The following SPON1 variants were observed in gnomAD, a reference collection of about 807,000 sequenced individuals.
The protein encoded by SPON1 is spondin 1.
Under a neutral mutation model 111.7 loss-of-function variants are expected in SPON1, and 52 were observed. The ratio of observed to expected loss-of-function variants is 0.47; its 90% CI spans 0.37 to 0.59. SPON1 has a LOEUF of 0.59. Ranked by LOEUF, SPON1 falls within the 20% of genes least tolerant of loss-of-function variation. SPON1 has a pLI of 0.00. For missense variants in SPON1, 957 were observed against 1,068.5 expected, an observed-to-expected ratio of 0.90 and a Z score of 1.46; for synonymous variants, 410 against 395.8, an observed-to-expected ratio of 1.04 and a Z score of -0.43.
At chr11:14,115,917 G>GGCTTT (rs1849263547) in intron 5 of SPON1, among the ~76,000 whole-genome samples, 1 of 152,030 alleles carries the variant, frequency 6.6e-6, no homozygotes, top group East Asian at 1.9e-4. Flanking sequence ...TTGTTGATAT[G>GGCTTT]GTTTTGTTTT....
At chr11:14,117,941 A>G (rs7947007) in intron 5 of SPON1, among the ~76,000 whole-genome samples, 3,252 of 152,280 alleles carry the variant, frequency 0.021, 113 homozygotes, top group African/African-American at 0.074. Context: ...ATAATAAAGC[A>G]CCTGGTACAG....
chr11:14,123,799 C>T (rs920666495), intron 5 of SPON1, among the ~76,000 whole-genome samples: 2 of 152,260 alleles, frequency 1.3e-5, no homozygotes, highest in African/African-American at 2.4e-5. Context: ...ACTCCACCTT[C>T]CTGCACCACA....
At chr11:14,171,841 A>G (rs2133882282) in intron 6 of SPON1, among the ~76,000 whole-genome samples, 1 of 152,300 alleles carries the variant, frequency 6.6e-6, no homozygotes, top group East Asian at 1.9e-4. Context: ...GTTGGATTGC[A>G]CTGTGGTCTG....
chr11:14,132,073 T>C (rs1847535263), intron 5 of SPON1, among the ~76,000 whole-genome samples: 1 of 152,156 alleles, frequency 6.6e-6, no homozygotes. Flanking sequence ...GGTCAGGAGT[T>C]TGAGACCAGC....
chr11:14,196,684 G>T (rs1210386641), intron 6 of SPON1, among the ~76,000 whole-genome samples: 1 of 152,186 alleles, frequency 6.6e-6, no homozygotes, highest in African/African-American at 2.4e-5. Flanking sequence ...GTTTCCCTGT[G>T]TTTCAGGAAT....
Position 14,138,126 on chromosome 11 carries a change from A to G in SPON1, c.825+2558A>G, listed in dbSNP as rs907374855. ...TTTAATACTTTATATCCTACCAATC[A>G]CTTTGTCAAAGAACCTGAGTCCAGC... On this transcript the variant is annotated intron_variant, in intron 6 of 15. Coordinates refer to ENST00000576479, the MANE Select transcript of SPON1 (RefSeq NM_006108.4). 2.0e-5 allele frequency among the ~76,000 whole-genome samples: 3 copies of G among 152,256 alleles called. No individual in the cohort carries two copies. In the East Asian group the frequency reaches 5.8e-4, roughly 29 times the overall value.
chr11:14,122,933 AT>A (rs34948884), intron 5 of SPON1, among the ~76,000 whole-genome samples: 2,023 of 132,520 alleles, frequency 0.015, 33 homozygotes, highest in East Asian at 0.12. Context: ...TGCTCTTGTA[AT>A]TTTTTTTTTT....
intron 6 of SPON1, among the ~76,000 whole-genome samples, chr11:14,239,429 C>CA (rs1554939484): frequency 2.0e-5 from 3 of 151,948 alleles, no homozygotes; most frequent in Non-Finnish European, 4.4e-5. Flanking sequence ...CAAGACTTGC[C>CA]AAAAAACAGA....
intron 6 of SPON1, among the ~76,000 whole-genome samples, chr11:14,150,120 A>G (rs571368623): frequency 6.6e-6 from 1 of 152,328 alleles, no homozygotes; most frequent in Admixed American, 6.5e-5. Context: ...GTATATACAC[A>G]ATAGAATACT....
chr11:14,034,083 G>C (rs989766122), intron 2 of SPON1, among the ~76,000 whole-genome samples: 1 of 152,132 alleles, frequency 6.6e-6, no homozygotes, highest in Admixed American at 6.5e-5. Context: ...AGGCTGAAGC[G>C]AGAGGATTAC....
At chr11:14,092,415 A>G (rs901171860) in intron 5 of SPON1, among the ~76,000 whole-genome samples, 6 of 152,168 alleles carry the variant, frequency 3.9e-5, no homozygotes, top group African/African-American at 7.2e-5. Context: ...TAAGATAGCA[A>G]CCTAAGGTGT....
chr11:14,014,463 A>G (rs535034191), intron 2 of SPON1, among the ~76,000 whole-genome samples: 1 of 152,350 alleles, frequency 6.6e-6, no homozygotes, highest in East Asian at 1.9e-4. Flanking sequence ...ACGCAATGGC[A>G]TCCTGGATTC....
chr11:13,985,596 A>C (rs1554910207), intron 2 of SPON1, among the ~76,000 whole-genome samples: 1 of 152,158 alleles, frequency 6.6e-6, no homozygotes, highest in Admixed American at 6.5e-5. Flanking sequence ...CTGTTAAATG[A>C]AAAAATAAGG....
chr11:14,042,329 T>G (rs1235082521), intron 3 of SPON1, among the ~76,000 whole-genome samples: 1 of 152,120 alleles, frequency 6.6e-6, no homozygotes, highest in Non-Finnish European at 1.5e-5. Context: ...CAAAATGCTG[T>G]GTACTAGATA....
intron 5 of SPON1, among the ~76,000 whole-genome samples, chr11:14,109,360 C>G (rs1045181461): frequency 2.6e-5 from 4 of 152,024 alleles, no homozygotes; most frequent in Non-Finnish European, 5.9e-5. Flanking sequence ...TAATTTAAAG[C>G]TTACAGAAAT....
At chr11:14,111,663 C>A (rs1849227736) in intron 5 of SPON1, among the ~76,000 whole-genome samples, 1 of 152,174 alleles carries the variant, frequency 6.6e-6, no homozygotes, top group African/African-American at 2.4e-5. Context: ...TATTCATGAT[C>A]ATGACTGGAA....
intron 5 of SPON1, among the ~76,000 whole-genome samples, chr11:14,108,764 T>C (rs928736116): frequency 5.3e-5 from 8 of 152,136 alleles, no homozygotes; most frequent in African/African-American, 1.7e-4. Flanking sequence ...CTTTTTTTTT[T>C]TTGTAAATAA....
At position 14,055,781 on chromosome 11, in the gene SPON1, G is replaced by A. The variant is rs539323660; in HGVS notation, c.479+14127G>A. On this transcript the variant is annotated intron_variant, in intron 3 of 15. Coordinates refer to ENST00000576479, the MANE Select transcript of SPON1 (RefSeq NM_006108.4). Reference sequence around the variant, plus strand: ...GGTTAATAAGATGTTGAGGACTTGGGGAGTGCCCCAAAGTCCTCACAGAGA... The same window carrying A: ...GGTTAATAAGATGTTGAGGACTTGGAGAGTGCCCCAAAGTCCTCACAGAGA... 2.3e-4 allele frequency among the ~76,000 whole-genome samples: 35 copies of A among 152,224 alleles called. No individual in the cohort carries two copies. In the South Asian group the frequency reaches 6.2e-3, roughly 27 times the overall value.
chr11:14,259,345 G>A lies in SPON1; in HGVS notation c.1558G>A (p.Gly520Ser). The A allele has an allele frequency of 6.2e-7, 1 of 1,613,114 alleles. No individual in the cohort carries two copies. Among genetic ancestry groups the A allele is most frequent in the African/African-American group, 1.3e-5 (1 of 75,052 alleles). Residue 520 changes from glycine (G) to serine (S), a missense_variant, in exon 12 of 16, where the codon GGC becomes AGC. This residue lies in a region of SPON1 where 549 missense variants were observed against 606.2 expected (regional missense o/e 0.91). Coordinates refer to ENST00000576479, the MANE Select transcript of SPON1 (RefSeq NM_006108.4). This position sits in a 1 kb window ranked among gnomAD's most constrained non-coding sequence, Gnocchi z 5.0. ...GCCCTGCAGCATCTCCTGCGGCATG[G>A]GCATGAGGTCCCGGGAGAGGTATGT... Reference protein sequence around the residue: ...WSPCSISCGMGMRSRERYVKQ... With the variant: ...WSPCSISCGMSMRSRERYVKQ...
Sources: gnomAD v4.1 joint callset for allele counts (sites outside exome capture counted in the v4.1 genomes callset) on GRCh38, gnomAD v4.1.1 for gene constraint, gnomAD v4.1.1 regional missense constraint, Gnocchi (gnomAD v3.1) non-coding constraint, MANE v1.5 for transcripts, NCBI Gene and HGNC (gene_info 2026-07-23, HGNC 2026-07-21) for gene names.